CCDC148: variants seen among roughly 807,000 people sequenced by gnomAD.
CCDC148 encodes the protein coiled-coil domain containing 148, also known as coiled-coil domain-containing protein 148.
CCDC148 carries 89 observed loss-of-function variants against 85.7 expected under a neutral mutation model. The ratio of observed to expected loss-of-function variants is 1.04; its 90% CI spans 0.87 to 1.24. CCDC148 has a LOEUF of 1.24. Among genes scored for constraint, CCDC148 ranks in the 50% most tolerant of loss-of-function variants. The pLI is 0.00. For missense variants in CCDC148, 692 were observed against 671.7 expected (o/e 1.03, Z -0.33); for synonymous variants, 230 against 213.9 (o/e 1.08, Z -0.66).
chr2:158,328,865 GT>G (rs575968871), intron 7 of CCDC148, among the ~76,000 whole-genome samples: 2 of 152,002 alleles, frequency 1.3e-5, no homozygotes, highest in Non-Finnish European at 2.9e-5. Context: ...GGGGTTGTTT[GT>G]TTTTTTCTTG....
chr2:158,207,556 C>A (rs1686314645), intron 11 of CCDC148: 1 of 152,178 alleles, frequency 6.6e-6, no homozygotes, highest in Admixed American at 6.5e-5. Flanking sequence ...GACTTAAGAT[C>A]TGATGCAAAT....
intron 2 of CCDC148, among the ~76,000 whole-genome samples, chr2:158,357,488 CAT>C (rs1683722569): frequency 6.6e-6 from 1 of 151,976 alleles, no homozygotes; most frequent in Non-Finnish European, 1.5e-5. Flanking sequence ...TTTATGTTTA[CAT>C]ATATGTGTAC....
intron 11 of CCDC148, among the ~76,000 whole-genome samples, chr2:158,189,667 A>C (rs1364665971): frequency 6.6e-6 from 1 of 152,008 alleles, no homozygotes; most frequent in Non-Finnish European, 1.5e-5. Flanking sequence ...AACCTTTCTC[A>C]ATAGACCCAG....
chr2:158,308,132 T>TTGGTTGAACCATATGAAATTATTGA (rs1167681019), intron 9 of CCDC148, among the ~76,000 whole-genome samples: 1 of 152,246 alleles, frequency 6.6e-6, no homozygotes, highest in African/African-American at 2.4e-5. Context: ...TAGTAACTTT[T>TTGGTTGAACCATATGAAATTATTGA]TGGTTGAACC....
intron 10 of CCDC148, among the ~76,000 whole-genome samples, chr2:158,233,125 C>T (rs1454698697): frequency 2.0e-5 from 3 of 151,994 alleles, no homozygotes; most frequent in Non-Finnish European, 4.4e-5. Flanking sequence ...ATCCCAGGTA[C>T]CCCAGAAATT....
chr2:158,403,009 T>C (rs2543640), intron 1 of CCDC148, among the ~76,000 whole-genome samples: 151,957 of 152,154 alleles, frequency 1, 75,880 homozygotes, highest in Middle Eastern at 1. Flanking sequence ...AATCTTAACA[T>C]TTCCTCAAGC....
chr2:158,358,697 T>G (rs1683786930), intron 1 of CCDC148, 127 bp from the exon 2 acceptor site: 1 of 447,630 alleles, frequency 2.2e-6, no homozygotes, highest in Non-Finnish European at 3.6e-6. Context: ...ATATAAGAAA[T>G]AATATATTAC....
chr2:158,173,265 A>T (rs2105255085), intron 13 of CCDC148, among the ~76,000 whole-genome samples: 1 of 152,156 alleles, frequency 6.6e-6, no homozygotes, highest in African/African-American at 2.4e-5. Context: ...AAATAGGCCA[A>T]CTTGGGATAA....
intron 9 of CCDC148, among the ~76,000 whole-genome samples, chr2:158,302,059 T>C (rs1691470274): frequency 6.6e-6 from 1 of 152,152 alleles, no homozygotes. Flanking sequence ...AGAAAGGCGA[T>C]AACCACTAGC....
chr2:158,280,038 T>A (rs1205959392), intron 9 of CCDC148, among the ~76,000 whole-genome samples: 1 of 151,474 alleles, frequency 6.6e-6, no homozygotes, highest in East Asian at 1.9e-4. Context: ...GCTTCATAAG[T>A]GAAGGAGAAA....
chr2:158,427,705 A>T (rs1687140553), intron 1 of CCDC148, among the ~76,000 whole-genome samples: 1 of 151,828 alleles, frequency 6.6e-6, no homozygotes, highest in Non-Finnish European at 1.5e-5. Context: ...CCCCATCTCT[A>T]AAAAAAACAC....
intron 8 of CCDC148, among the ~76,000 whole-genome samples, chr2:158,311,030 C>T (rs905233558): frequency 4.6e-5 from 7 of 151,818 alleles, no homozygotes; most frequent in Non-Finnish European, 7.4e-5. Context: ...TCCCAGAAGA[C>T]GGGTGGCCAG....
At chr2:158,287,649 G>C (rs1488265159) in intron 9 of CCDC148, among the ~76,000 whole-genome samples, 1 of 152,202 alleles carries the variant, frequency 6.6e-6, no homozygotes, top group Non-Finnish European at 1.5e-5. Flanking sequence ...CCGTGATCTT[G>C]AGCAGCTCTG....
At chr2:158,346,564 T>TCTAAATC (rs1683005278) in intron 2 of CCDC148, among the ~76,000 whole-genome samples, 1 of 152,162 alleles carries the variant, frequency 6.6e-6, no homozygotes, top group African/African-American at 2.4e-5. Context: ...ACCGCTCTAC[T>TCTAAATC]CTAAATCCTC....
intron 11 of CCDC148, among the ~76,000 whole-genome samples, chr2:158,195,590 A>G (rs1338871645): frequency 6.6e-6 from 1 of 152,176 alleles, no homozygotes; most frequent in East Asian, 1.9e-4. Flanking sequence ...CATTGTCCCT[A>G]GCTCAGAGCC....
chr2:158,345,423 T>C, intron 2 of CCDC148, 105 bp from the exon 3 acceptor site: 1 of 714,266 alleles, frequency 1.4e-6, no homozygotes, highest in Non-Finnish European at 2.2e-6. Context: ...AGTTTCTCTT[T>C]TAAAATTCTT....
At chr2:158,437,448 T>C (rs1687713930) in intron 1 of CCDC148, among the ~76,000 whole-genome samples, 1 of 152,120 alleles carries the variant, frequency 6.6e-6, no homozygotes. Flanking sequence ...TGAAAACTCT[T>C]AATAAATTAG....
intron 9 of CCDC148, among the ~76,000 whole-genome samples, chr2:158,272,063 A>C (rs1281981478): frequency 6.6e-6 from 1 of 152,166 alleles, no homozygotes; most frequent in African/African-American, 2.4e-5. Context: ...CAAGTTCAAA[A>C]GGCAGGGCTG....
chr2:158,392,140 G>A (rs995935451), intron 1 of CCDC148, among the ~76,000 whole-genome samples: 3 of 152,030 alleles, frequency 2.0e-5, no homozygotes, highest in African/African-American at 7.2e-5. Context: ...CCTCTAGTTT[G>A]AGATTATAAC....
Sources: gnomAD v4.1 joint callset for allele counts (sites outside exome capture counted in the v4.1 genomes callset) on GRCh38, gnomAD v4.1.1 for gene constraint, MANE v1.5 for transcripts, NCBI Gene and HGNC (gene_info 2026-07-23, HGNC 2026-07-21) for gene names.